Variants in MYO9B observed in about 807,000 individuals in gnomAD.
MYO9B encodes the protein myosin IXB.
A neutral mutation model predicts 229.5 loss-of-function variants in MYO9B; 71 were observed. The ratio of observed to expected loss-of-function variants is 0.31; its 90% confidence interval spans 0.26 to 0.38. MYO9B has a LOEUF of 0.38. MYO9B is among the 10% of genes least tolerant of loss of function. The probability of loss-of-function intolerance (pLI) is 1.00; values close to 1 mark genes in which losing one functional copy is unlikely to be tolerated. For synonymous variants in MYO9B, 1,185 were observed against 1,235.8 expected (o/e 0.96, Z 0.86); for missense variants, 2,255 against 2,920.5 (o/e 0.77, Z 5.25).
At chr19:17,188,663 C>T (rs2072946902) in intron 19 of MYO9B, among the ~76,000 whole-genome samples, 1 of 152,112 alleles carries the variant, frequency 6.6e-6, no homozygotes, top group Admixed American at 6.6e-5. Flanking sequence ...TGCAGAAATG[C>T]TGGTGTATTT....
At position 17,197,799 on chromosome 19, in the gene MYO9B, C is replaced by T. The variant is rs757521140; in HGVS notation, c.4054C>T (p.Arg1352Cys). The change falls in exon 23 of 40, where the codon CGC (arginine) becomes TGC (cysteine). Residue 1352 changes from arginine to cysteine, a missense_variant. Physicochemically the swap from Arg to Cys is radical, Grantham distance 180. Coordinates refer to ENST00000682292, the MANE Select transcript of MYO9B (RefSeq NM_004145.4). ...GAALTPTEER[R>C]TSFSTSDVSK... Reference sequence around the variant, plus strand: ...GTTTCTGTGATCTCGCAGGGAGAGGCGCACCTCCTTCTCCACGAGCGACGT... The same window carrying T: ...GTTTCTGTGATCTCGCAGGGAGAGGTGCACCTCCTTCTCCACGAGCGACGT... 1.9e-5 allele frequency: 30 copies of T among 1,613,660 alleles called. No individual in the cohort carries two copies. In the East Asian group the frequency reaches 4.9e-4, roughly 26 times the overall value.
At chr19:17,199,578 A>G (rs1449931081) in intron 24 of MYO9B, among the ~76,000 whole-genome samples, 1 of 151,514 alleles carries the variant, frequency 6.6e-6, no homozygotes, top group African/African-American at 2.4e-5. Flanking sequence ...CAATGGCTCA[A>G]TCTCCGCTCA....
intron 3 of MYO9B, among the ~76,000 whole-genome samples, chr19:17,149,959 C>G (rs1262520518): frequency 2.0e-5 from 3 of 152,190 alleles, no homozygotes; most frequent in Non-Finnish European, 4.4e-5. Flanking sequence ...GCCTCCCTCC[C>G]CAGGAATGCA....
rs376578647 is a variant in MYO9B, at chr19:17,172,866, C to T, written c.2043C>T (p.Ala681=). Residue 681 remains alanine, a synonymous_variant, in exon 13 of 40, where the codon GCC becomes GCT. Transcript: ENST00000682292. The surrounding 1 kb of genome is among the most constrained non-coding windows in gnomAD (Gnocchi z 8.2). ...AGCTCATCGGCATGGACCCCGTGGC[C>T]GTGTTCCGCTGGGCCGTGCTCCGGG... is the stretch of plus-strand genomic sequence containing the variant. ...VRELIGMDPV[A]VFRWAVLRAA... is the part of the protein sequence containing the mutation. The T allele has an allele frequency of 6.9e-5, 111 of 1,607,726 alleles. 1 individual carries two copies. Among genetic ancestry groups the T allele is most frequent in the Admixed American group, 4.5e-4 (27 of 59,960 alleles).
At chr19:17,143,405 A>C (rs1457575925) in intron 2 of MYO9B, among the ~76,000 whole-genome samples, 2 of 152,194 alleles carry the variant, frequency 1.3e-5, no homozygotes, top group Non-Finnish European at 2.9e-5. Flanking sequence ...GTGTCCTCAA[A>C]GCCGAGAAGG....
At chr19:17,205,721 G>A (rs1599426218) in intron 31 of MYO9B, among the ~76,000 whole-genome samples, 1 of 152,124 alleles carries the variant, frequency 6.6e-6, no homozygotes, top group African/African-American at 2.4e-5. Context: ...CTCTCCCCAC[G>A]AAGGACCACC....
intron 2 of MYO9B, among the ~76,000 whole-genome samples, chr19:17,126,531 T>C (rs936893343): frequency 6.6e-6 from 1 of 152,206 alleles, no homozygotes; most frequent in African/African-American, 2.4e-5. Context: ...TTGACTCTGC[T>C]ATTGTAACTC....
chr19:17,121,179 G>A (rs1435104969), intron 2 of MYO9B, among the ~76,000 whole-genome samples: 1 of 152,106 alleles, frequency 6.6e-6, no homozygotes, highest in African/African-American at 2.4e-5. Flanking sequence ...CTGGACTCAA[G>A]CCATCCACCC....
At chr19:17,089,096 G>A (rs1020953380) in intron 1 of MYO9B, among the ~76,000 whole-genome samples, 18 of 152,180 alleles carry the variant, frequency 1.2e-4, no homozygotes, top group African/African-American at 1.9e-4. Context: ...TCTTCCTCCC[G>A]ACTGGCACGT....
intron 21 of MYO9B, among the ~76,000 whole-genome samples, chr19:17,194,162 ACT>A: frequency 7.0e-6 from 1 of 142,576 alleles, no homozygotes. Context: ...ACAGAGCGAG[ACT>A]CTGTCTCAAA....
chr19:17,132,998 C>T (rs2072221382), intron 2 of MYO9B, among the ~76,000 whole-genome samples: 1 of 152,100 alleles, frequency 6.6e-6, no homozygotes, highest in Non-Finnish European at 1.5e-5. Flanking sequence ...CAGGCGCCGC[C>T]ACCACGCCCG....
intron 34 of MYO9B, 135 bp downstream of exon 34, chr19:17,206,919 TG>T: frequency 8.2e-7 from 1 of 1,215,364 alleles, no homozygotes; most frequent in Non-Finnish European, 1.2e-6. Context: ...TTGGGGGTTC[TG>T]GGAGGGGGCC....
intron 2 of MYO9B, among the ~76,000 whole-genome samples, chr19:17,131,576 A>G (rs2072196649): frequency 6.6e-6 from 1 of 151,840 alleles, no homozygotes; most frequent in African/African-American, 2.4e-5. Context: ...GCCCTATTGA[A>G]TAATTCTTCT....
chr19:17,088,151 C>T (rs1453155034), intron 1 of MYO9B, among the ~76,000 whole-genome samples: 1 of 152,192 alleles, frequency 6.6e-6, no homozygotes, highest in Non-Finnish European at 1.5e-5. Context: ...ACGGGAGGAC[C>T]CTTCCTGCCT....
chr19:17,211,858 T>A, intron 39 of MYO9B, 37 bp from the exon 40 acceptor site: 2 of 1,602,092 alleles, frequency 1.2e-6, no homozygotes, highest in Non-Finnish European at 1.7e-6. Flanking sequence ...CTGCCGGCCC[T>A]GAAGCTGCAG....
intron 1 of MYO9B, among the ~76,000 whole-genome samples, chr19:17,100,227 A>C (rs1043404230): frequency 1.3e-5 from 2 of 150,550 alleles, no homozygotes; most frequent in African/African-American, 4.9e-5. Flanking sequence ...CCCAGCACTT[A>C]GGGAAGTCGA....
At chr19:17,188,801 C>G (rs1265084007) in intron 19 of MYO9B, among the ~76,000 whole-genome samples, 2 of 151,866 alleles carry the variant, frequency 1.3e-5, no homozygotes. Flanking sequence ...TCAATTGAGC[C>G]TAGGAGTTTG....
chr19:17,180,976 G>A lies in MYO9B; in HGVS notation c.2269G>A (p.Gly757Ser). The A allele has an allele frequency of 1.2e-6, 2 of 1,611,246 alleles. No individual in the cohort carries two copies. Among genetic ancestry groups the A allele is most frequent in the Non-Finnish European group, 1.7e-6 (2 of 1,178,904 alleles). The change falls in exon 15 of 40, where the codon GGC (glycine) becomes AGC (serine). Residue 757 changes from glycine (G) to serine (S), a missense_variant. By Grantham distance (56) the Gly-to-Ser change is moderately conservative. Coordinates refer to ENST00000682292, the MANE Select transcript of MYO9B (RefSeq NM_004145.4). ...IKSIKGLPWQ[G>S]EDPRSLLQSL... ...GAGCATCAAAGGATTGCCCTGGCAG[G>A]GCGAGGACCCCCGTAGCCTTCTCCA...
chr19:17,149,643 T>C (rs891139427), intron 3 of MYO9B, among the ~76,000 whole-genome samples: 1 of 152,112 alleles, frequency 6.6e-6, no homozygotes, highest in Non-Finnish European at 1.5e-5. Context: ...TTTGCCCACT[T>C]TCAGGCAGGT....
Sources: gnomAD v4.1 joint callset for allele counts (sites outside exome capture counted in the v4.1 genomes callset) on GRCh38, gnomAD v4.1.1 for gene constraint, Gnocchi (gnomAD v3.1) non-coding constraint, MANE v1.5 for transcripts, NCBI Gene and HGNC (gene_info 2026-07-23, HGNC 2026-07-21) for gene names.